The following GRM5 variants were observed in gnomAD, a reference collection of about 807,000 sequenced individuals.
GRM5 encodes metabotropic glutamate receptor 5.
A neutral mutation model predicts 83.1 loss-of-function variants in GRM5; 19 were observed. The ratio of observed to expected loss-of-function variants is 0.23; its 90% CI spans 0.16 to 0.34. GRM5 has a LOEUF of 0.34. GRM5 is among the 10% of genes least tolerant of loss of function. GRM5 has a pLI of 1.00. For synonymous variants in GRM5, 675 were observed against 633.6 expected, an observed-to-expected ratio of 1.07 and a Z score of -0.98; for missense variants, 1,160 against 1,588.3, an observed-to-expected ratio of 0.73 and a Z score of 4.58.
chr11:88,905,035 G>A (rs1039733337), intron 2 of GRM5, among the ~76,000 whole-genome samples: 3 of 151,990 alleles, frequency 2.0e-5, no homozygotes, highest in Admixed American at 6.6e-5. Context: ...TTTAATTTGG[G>A]GCATGAATGT....
intron 3 of GRM5, among the ~76,000 whole-genome samples, chr11:88,711,761 T>C (rs370148231): frequency 6.6e-6 from 1 of 150,946 alleles, no homozygotes; most frequent in African/African-American, 2.4e-5. Flanking sequence ...CTCTCCTGAC[T>C]CAGATTATTG....
chr11:89,001,003 C>G (rs1466140468), intron 2 of GRM5, among the ~76,000 whole-genome samples: 8 of 150,868 alleles, frequency 5.3e-5, no homozygotes, highest in Non-Finnish European at 1.0e-4. Context: ...AGTGAGATAG[C>G]ACTATACCCT....
intron 8 of GRM5, among the ~76,000 whole-genome samples, chr11:88,525,992 T>C (rs1202362505): frequency 6.6e-6 from 1 of 152,242 alleles, no homozygotes; most frequent in African/African-American, 2.4e-5. Flanking sequence ...CCTTCCATTA[T>C]CAAGTTTTTA....
chr11:88,760,655 T>A (rs2135437812), intron 3 of GRM5, among the ~76,000 whole-genome samples: 1 of 152,284 alleles, frequency 6.6e-6, no homozygotes, highest in African/African-American at 2.4e-5. Flanking sequence ...GTATCATTTC[T>A]GCTGAAACTA....
chr11:88,608,811 G>A (rs1176848760), intron 4 of GRM5, among the ~76,000 whole-genome samples: 2 of 152,088 alleles, frequency 1.3e-5, no homozygotes, highest in South Asian at 2.1e-4. Flanking sequence ...GTGAGCCACC[G>A]TGCCGAGCCC....
intron 4 of GRM5, among the ~76,000 whole-genome samples, chr11:88,628,552 A>T (rs1938871533): frequency 6.6e-6 from 1 of 152,222 alleles, no homozygotes; most frequent in Non-Finnish European, 1.5e-5. Context: ...TCCTGGATCT[A>T]TTCCAAAATA....
At chr11:88,572,820 G>A (rs572539968) in intron 7 of GRM5, among the ~76,000 whole-genome samples, 1 of 152,062 alleles carries the variant, frequency 6.6e-6, no homozygotes, top group African/African-American at 2.4e-5. Flanking sequence ...TACTGGAAGT[G>A]TATGTAGAGG....
chr11:88,573,853 T>C (rs533731462), intron 7 of GRM5, among the ~76,000 whole-genome samples: 2 of 152,348 alleles, frequency 1.3e-5, no homozygotes, highest in African/African-American at 4.8e-5. Flanking sequence ...GATGTTGAAC[T>C]GGGATCACAG....
At chr11:88,772,983 T>A (rs1438512333) in intron 3 of GRM5, among the ~76,000 whole-genome samples, 2 of 152,182 alleles carry the variant, frequency 1.3e-5, no homozygotes, top group East Asian at 1.9e-4. Flanking sequence ...GATTGCTGGG[T>A]CAAATGATAA....
intron 6 of GRM5, among the ~76,000 whole-genome samples, chr11:88,593,779 T>C (rs1356531590): frequency 5.4e-5 from 5 of 92,370 alleles, no homozygotes; most frequent in Non-Finnish European, 8.9e-5. Context: ...TCTCTCTCTC[T>C]CTCTCTTTCT....
chr11:88,935,214 C>G (rs1199269124), intron 2 of GRM5, among the ~76,000 whole-genome samples: 2 of 151,900 alleles, frequency 1.3e-5, no homozygotes, highest in Non-Finnish European at 2.9e-5. Context: ...CCCATGTTCT[C>G]TTCCAAAGCA....
chr11:88,571,607 G>A (rs1356108668), intron 7 of GRM5, among the ~76,000 whole-genome samples: 2 of 152,126 alleles, frequency 1.3e-5, no homozygotes, highest in Non-Finnish European at 2.9e-5. Context: ...AGTACATTGT[G>A]GTGGGGCAAA....
rs139205555 is a variant in GRM5, at chr11:88,709,381, C to A, written c.912-55978G>T. On this transcript the variant is annotated intron_variant, in intron 3 of 9. Transcript: ENST00000305447. ...GGAGAGCCAGGGTAAGGGATCTGGA[C>A]TTTTTTCTGAAGAATAAGAAATCCT... 2.4e-3 allele frequency among the ~76,000 whole-genome samples: 363 copies of A among 152,064 alleles called. 1 individual carries two copies. The highest frequency in any genetic ancestry group is 7.4e-3 in the African/African-American group (306 of 41,500).
At chr11:89,001,173 A>C (rs1482277315) in intron 2 of GRM5, among the ~76,000 whole-genome samples, 1 of 152,132 alleles carries the variant, frequency 6.6e-6, no homozygotes, top group African/African-American at 2.4e-5. Context: ...AAAATTGCCA[A>C]ACTACATTTT....
chr11:88,973,107 C>T (rs1168377429), intron 2 of GRM5, among the ~76,000 whole-genome samples: 1 of 151,946 alleles, frequency 6.6e-6, no homozygotes, highest in African/African-American at 2.4e-5. Context: ...GGCTAGTGGG[C>T]CTAAAAAGGG....
At chr11:89,033,321 A>T (rs1236131791) in intron 2 of GRM5, among the ~76,000 whole-genome samples, 3 of 150,030 alleles carry the variant, frequency 2.0e-5, no homozygotes, top group African/African-American at 7.6e-5. Context: ...CTTTCCACTG[A>T]CCTTGAAACC....
chr11:88,818,483 G>T (rs1191040776), intron 3 of GRM5, among the ~76,000 whole-genome samples: 3 of 152,086 alleles, frequency 2.0e-5, no homozygotes, highest in Non-Finnish European at 4.4e-5. Flanking sequence ...ACATCTTCAA[G>T]ATGTGAATAA....
rs118186526 is a variant in GRM5 at position 88,801,858 on chromosome 11, G to A, written c.911+48048C>T. ...TAACAAATTTTATAACCTCTATGAG[G>A]AGAAAAGCTCCTCATGGTGTCAGGA... On this transcript the variant is annotated intron_variant, in intron 3 of 9. Coordinates refer to ENST00000305447, the MANE Select transcript of GRM5 (RefSeq NM_001143831.3). 5.7e-3 allele frequency among the ~76,000 whole-genome samples: 868 copies of A among 152,176 alleles called. 17 individuals carry two copies. The East Asian group carries it at 0.071, about 13-fold the overall frequency.
intron 3 of GRM5, among the ~76,000 whole-genome samples, chr11:88,815,087 A>G (rs976952703): frequency 6.6e-6 from 1 of 152,174 alleles, no homozygotes; most frequent in African/African-American, 2.4e-5. Context: ...GGCTAACTGA[A>G]ATTTATAGAA....
Sources: gnomAD v4.1 joint callset for allele counts (sites outside exome capture counted in the v4.1 genomes callset) on GRCh38, gnomAD v4.1.1 for gene constraint, MANE v1.5 for transcripts, NCBI Gene and HGNC (gene_info 2026-07-23, HGNC 2026-07-21) for gene names.